The following FHOD3 variants were observed in gnomAD, a reference collection of about 807,000 sequenced individuals.
The protein encoded by FHOD3 is FH1/FH2 domain-containing protein 3.
FHOD3 carries 90 observed loss-of-function variants against 173.0 expected under a neutral mutation model. The observed-to-expected ratio is 0.52, with a 90% CI of 0.44 to 0.62. The LOEUF (loss-of-function observed/expected upper bound fraction) is 0.62, where lower values mean the gene tolerates loss of function less well. FHOD3 is among the 20% of genes least tolerant of loss of function. FHOD3 has a pLI of 0.00. For synonymous variants in FHOD3, 828 were observed against 823.0 expected (o/e 1.01, Z -0.10); for missense variants, 1,945 against 2,034.7 (o/e 0.96, Z 0.85).
intron 5 of FHOD3, among the ~76,000 whole-genome samples, chr18:36,572,245 C>T (rs1229396791): frequency 1.3e-5 from 2 of 152,190 alleles, no homozygotes; most frequent in Non-Finnish European, 2.9e-5. Flanking sequence ...TTCTGATAGA[C>T]AGTCTCAGCC....
intron 19 of FHOD3, among the ~76,000 whole-genome samples, chr18:36,720,220 A>G (rs1205949996): frequency 1.4e-5 from 2 of 146,858 alleles, no homozygotes; most frequent in Admixed American, 6.8e-5. Context: ...AGCCATCCAC[A>G]TGCCCCGTTC....
rs539856815 is a variant in FHOD3 at position 36,377,390 on chromosome 18, C to A, written c.337+4646C>A. 2.0e-5 allele frequency among the ~76,000 whole-genome samples: 3 copies of A among 151,934 alleles called. No homozygotes were observed. In the South Asian group the frequency reaches 6.2e-4, roughly 32 times the overall value. On this transcript the variant is annotated intron_variant, in intron 3 of 28. Coordinates refer to ENST00000590592, the MANE Select transcript of FHOD3 (RefSeq NM_001281740.3). ...TGCAGGGAGGCCCCCCTCTAGCTTC[C>A]TTTTCTGACATTTCACTTGCCCCTA...
intron 5 of FHOD3, among the ~76,000 whole-genome samples, chr18:36,517,734 A>G (rs1847415916): frequency 6.6e-6 from 1 of 152,250 alleles, no homozygotes; most frequent in African/African-American, 2.4e-5. Context: ...AGAAAACTGC[A>G]GATATATTTT....
chr18:36,610,241 A>G (rs1197681467), intron 8 of FHOD3, among the ~76,000 whole-genome samples: 1 of 152,238 alleles, frequency 6.6e-6, no homozygotes, highest in Non-Finnish European at 1.5e-5. Context: ...CAGTTAGGGC[A>G]TCTCTAATTG....
intron 16 of FHOD3, among the ~76,000 whole-genome samples, chr18:36,688,167 GAC>G: frequency 6.6e-6 from 1 of 152,170 alleles, no homozygotes; most frequent in East Asian, 1.9e-4. Flanking sequence ...ACTGGCAAAA[GAC>G]AAGTTTTCAC....
At chr18:36,436,841 A>G (rs1018607234) in intron 3 of FHOD3, among the ~76,000 whole-genome samples, 6 of 152,218 alleles carry the variant, frequency 3.9e-5, no homozygotes, top group Non-Finnish European at 5.9e-5. Flanking sequence ...AAAGTTGAAA[A>G]TTAATGTTCT....
chr18:36,353,117 G>C (rs936372778), intron 1 of FHOD3, among the ~76,000 whole-genome samples: 1 of 152,214 alleles, frequency 6.6e-6, no homozygotes, highest in East Asian at 1.9e-4. Context: ...GTACAGACAG[G>C]TTGGCCAGTT....
At chr18:36,503,501 C>T (rs143484987) in intron 4 of FHOD3, among the ~76,000 whole-genome samples, 2 of 152,336 alleles carry the variant, frequency 1.3e-5, no homozygotes, top group East Asian at 3.9e-4. Context: ...AATCATACCA[C>T]GGAGTCCCTT....
chr18:36,775,365 G>A (rs1166448888), intron 28 of FHOD3, among the ~76,000 whole-genome samples: 2 of 152,212 alleles, frequency 1.3e-5, no homozygotes, highest in African/African-American at 2.4e-5. Flanking sequence ...TGATGTGAAA[G>A]ATGGTCAGGA....
chr18:36,373,785 A>G (rs1254468629), intron 3 of FHOD3, among the ~76,000 whole-genome samples: 1 of 152,236 alleles, frequency 6.6e-6, no homozygotes, highest in Non-Finnish European at 1.5e-5. Flanking sequence ...TGCTTGTAGC[A>G]CTGAGTAACT....
At chr18:36,321,916 C>A (rs1032090995) in intron 1 of FHOD3, among the ~76,000 whole-genome samples, 2 of 152,166 alleles carry the variant, frequency 1.3e-5, no homozygotes, top group South Asian at 2.1e-4. Flanking sequence ...TTCTCAGATG[C>A]CTCCTTTGTT....
intron 3 of FHOD3, among the ~76,000 whole-genome samples, chr18:36,493,749 T>C (rs2054591644): frequency 6.6e-6 from 1 of 152,160 alleles, no homozygotes; most frequent in African/African-American, 2.4e-5. Context: ...AGACTGTCAG[T>C]GTAGACCTGG....
intron 1 of FHOD3, among the ~76,000 whole-genome samples, chr18:36,327,475 C>T (rs1207176729): frequency 2.0e-5 from 3 of 152,348 alleles, no homozygotes; most frequent in African/African-American, 7.2e-5. Flanking sequence ...AGATGTTTTA[C>T]CTACAAAATC....
chr18:36,337,333 G>A (rs1480865872), intron 1 of FHOD3, among the ~76,000 whole-genome samples: 1 of 152,134 alleles, frequency 6.6e-6, no homozygotes, highest in Non-Finnish European at 1.5e-5. Flanking sequence ...AAACACACCA[G>A]ACCTGGTCAC....
At chr18:36,298,624 G>A (rs2091871810) in intron 1 of FHOD3, among the ~76,000 whole-genome samples, 1 of 152,134 alleles carries the variant, frequency 6.6e-6, no homozygotes, top group Admixed American at 6.5e-5. Context: ...GTGGCCTTGG[G>A]AACCTCGGAG....
At chr18:36,706,560 A>C (rs2039891404) in intron 17 of FHOD3, among the ~76,000 whole-genome samples, 1 of 152,196 alleles carries the variant, frequency 6.6e-6, no homozygotes, top group African/African-American at 2.4e-5. Context: ...CAGGCAGCCT[A>C]ATCAGGGCCA....
At chr18:36,586,470 T>C (rs1041065660) in intron 6 of FHOD3, among the ~76,000 whole-genome samples, 1 of 150,460 alleles carries the variant, frequency 6.6e-6, no homozygotes, top group Non-Finnish European at 1.5e-5. Context: ...TAGTAAACAA[T>C]AAAAGATGTG....
At chr18:36,681,652 T>C in intron 15 of FHOD3, 82 bp downstream of exon 15, 1 of 1,430,322 alleles carries the variant, frequency 7.0e-7, no homozygotes, top group East Asian at 2.5e-5. Context: ...ACATTTAATA[T>C]TGGCATTAAA....
intron 3 of FHOD3, among the ~76,000 whole-genome samples, chr18:36,401,021 C>G (rs975865692): frequency 6.6e-6 from 1 of 152,108 alleles, no homozygotes; most frequent in African/African-American, 2.4e-5. Context: ...AGGGGTGGAT[C>G]ACTCTTGCAT....
Sources: gnomAD v4.1 joint callset for allele counts (sites outside exome capture counted in the v4.1 genomes callset) on GRCh38, gnomAD v4.1.1 for gene constraint, MANE v1.5 for transcripts, NCBI Gene and HGNC (gene_info 2026-07-23, HGNC 2026-07-21) for gene names.